HPS1: variants seen among roughly 807,000 people sequenced by gnomAD.
The protein encoded by HPS1 is HPS1 biogenesis of lysosomal organelles complex 3 subunit 1, also known as BLOC-3 complex member HPS1.
Under a neutral mutation model 90.6 loss-of-function variants are expected in HPS1, and 59 were observed. The observed-to-expected ratio is 0.65, with a 90% CI of 0.53 to 0.81. HPS1 has a LOEUF of 0.81. Ranked by LOEUF, HPS1 falls within the 30% of genes least tolerant of loss-of-function variation. HPS1 has a pLI of 0.00. For synonymous variants in HPS1, 388 were observed against 384.4 expected (o/e 1.01, Z -0.11); for missense variants, 849 against 896.7 (o/e 0.95, Z 0.68).
Position 98,429,812 on chromosome 10 carries a change from AG to A in HPS1, c.845del (p.Thr282MetfsTer49). On this transcript the variant is annotated frameshift_variant, in exon 9 of 20. Coordinates refer to ENST00000361490, the MANE Select transcript of HPS1 (RefSeq NM_000195.5). LOFTEE classifies it high-confidence loss of function. ...ACACCGTCTCTGCAGAGCTCCCCCCAGTTGGGCCCGTGGAGTGAGGGCTCCA... is the reference window on the plus strand; with the variant it reads ...ACACCGTCTCTGCAGAGCTCCCCCCATTGGGCCCGTGGAGTGAGGGCTCCA... The part of the protein sequence containing the change: ...QAWSPHSTGP[T>X]GGSSAETETD... 4 of 1,613,706 alleles carry A rather than the reference AG, an allele frequency of 2.5e-6. No homozygotes were observed. Among genetic ancestry groups the A allele is most frequent in the Non-Finnish European group, 3.4e-6 (4 of 1,179,980 alleles).
chr10:98,418,434 T>C (rs1844405434), intron 18 of HPS1, among the ~76,000 whole-genome samples, 177 bp from the exon 19 acceptor site: 1 of 152,200 alleles, frequency 6.6e-6, no homozygotes, highest in Admixed American at 6.5e-5. Flanking sequence ...TTATGAACAT[T>C]AGAGAAAAAG....
intron 3 of HPS1, among the ~76,000 whole-genome samples, chr10:98,440,209 A>G (rs1409195252): frequency 6.6e-6 from 1 of 152,244 alleles, no homozygotes; most frequent in Non-Finnish European, 1.5e-5. Flanking sequence ...GCATACTCAT[A>G]TATTACTTGG....
chr10:98,432,134 C>A (rs1181408200), intron 6 of HPS1, among the ~76,000 whole-genome samples: 1 of 152,182 alleles, frequency 6.6e-6, no homozygotes, highest in Non-Finnish European at 1.5e-5. Context: ...ACAAGAGAGG[C>A]ATAAGATGAA....
intron 18 of HPS1, among the ~76,000 whole-genome samples, chr10:98,419,075 C>T (rs1000244712): frequency 6.6e-6 from 1 of 152,180 alleles, no homozygotes; most frequent in African/African-American, 2.4e-5. Context: ...TGTCTCCATC[C>T]GTACAACGGG....
chr10:98,425,551 T>G lies in HPS1; in HGVS notation c.1325A>C (p.Gln442Pro). Residue 442 changes from glutamine (Q) to proline (P), a missense_variant, in exon 13 of 20, where the codon CAG becomes CCG. Coordinates refer to ENST00000361490, the MANE Select transcript of HPS1 (RefSeq NM_000195.5). ...MDKFVKNRGA[Q>P]EIQSTWLEFK... ...GAACTTGGGTCTCACCTGAATCTCC[T>G]GTGCCCCTCGATTCTTGACAAACTT... 1.1e-5 allele frequency: 17 copies of G among 1,611,032 alleles called. No individual in the cohort carries two copies. Among genetic ancestry groups the G allele is most frequent in the Non-Finnish European group, 1.4e-5 (17 of 1,178,800 alleles).
Position 98,417,911 on chromosome 10 carries a change from G to A in HPS1, c.1941-185C>T, listed in dbSNP as rs998146675. The stretch of plus-strand genomic sequence containing the variant: ...CTAACAGTGGCATCCTGGCTACGAG[G>A]TAGCAGTGGGGATGTTCTGGGCCGG... On this transcript the variant is annotated intron_variant, in intron 19 of 19. Transcript: ENST00000361490. This position sits in a 1 kb window ranked among gnomAD's most constrained non-coding sequence, Gnocchi z 4.2. Among the ~76,000 whole-genome samples the A allele has an allele frequency of 1.3e-5, 2 of 152,196 alleles. No homozygotes were observed. The highest frequency in any genetic ancestry group is 2.9e-5 in the Non-Finnish European group (2 of 68,024).
At chr10:98,437,988 C>T (rs1332992466) in intron 3 of HPS1, among the ~76,000 whole-genome samples, 1 of 152,172 alleles carries the variant, frequency 6.6e-6, no homozygotes, top group African/African-American at 2.4e-5. Context: ...ATAAGGGGCT[C>T]TTCCCCACTT....
chr10:98,442,664 C>G (rs1052764122), intron 3 of HPS1: 2 of 252,966 alleles, frequency 7.9e-6, no homozygotes, highest in African/African-American at 4.5e-5. Context: ...CACCACCACA[C>G]CTGGCTAATT....
chr10:98,424,452 A>C, intron 13 of HPS1, 78 bp from the exon 14 acceptor site: 2 of 1,236,852 alleles, frequency 1.6e-6, no homozygotes, highest in Non-Finnish European at 2.3e-6. Flanking sequence ...TTCTCAGATC[A>C]GGCTCTGAGA....
chr10:98,435,639 T>G lies in HPS1; in HGVS notation c.251A>C (p.His84Pro), dbSNP rs762732517. 6.2e-7 allele frequency: 1 copy of G among 1,614,062 alleles called. No homozygotes were observed. The highest frequency in any genetic ancestry group is 1.1e-5 in the South Asian group (1 of 91,046). Reference sequence around the variant, plus strand: ...GCCCCAGAGCTATAGACTCACCAGGTGAAGGACATACAGGAAGTTGCCATT... The same window carrying G: ...GCCCCAGAGCTATAGACTCACCAGGGGAAGGACATACAGGAAGTTGCCATT... ...TENGNFLYVL[H>P]LFGECLFIAI... Residue 84 changes from histidine to proline, a missense_variant, in exon 4 of 20, where the codon CAC becomes CCC. His to Pro is a moderately conservative substitution (Grantham distance 77). Coordinates refer to ENST00000361490, the MANE Select transcript of HPS1 (RefSeq NM_000195.5). This position sits in a 1 kb window ranked among gnomAD's most constrained non-coding sequence, Gnocchi z 4.3.
chr10:98,431,204 G>C lies in HPS1; in HGVS notation c.595C>G (p.Pro199Ala). Residue 199 changes from proline to alanine, a missense_variant, in exon 7 of 20, where the codon CCC (proline) becomes GCC (alanine). Pro to Ala is a conservative substitution (Grantham distance 27). Coordinates refer to ENST00000361490, the MANE Select transcript of HPS1 (RefSeq NM_000195.5). The part of the protein sequence containing the change: ...RHVIQAVNTS[P>A]ERGGEEALHA... ...AGGGCCTCCTCGCCTCCCCGCTCGGGGCTGGTGTTGACAGCCTGGATGACG... is the reference window on the plus strand; with the variant it reads ...AGGGCCTCCTCGCCTCCCCGCTCGGCGCTGGTGTTGACAGCCTGGATGACG... The C allele has an allele frequency of 6.2e-7, 1 of 1,614,124 alleles. No individual in the cohort carries two copies. Among genetic ancestry groups the C allele is most frequent in the Middle Eastern group, 1.6e-4 (1 of 6,062 alleles).
rs148540623 is a variant in HPS1, at chr10:98,426,996, GA to G, written c.987+218del. Among the ~76,000 whole-genome samples the G allele has an allele frequency of 0.018, 2,718 of 152,272 alleles. 78 individuals are homozygous for G. The highest frequency in any genetic ancestry group is 0.06 in the African/African-American group (2,498 of 41,546). ...CTGAGGGACAGCACCTGGGGGAGGG[GA>G]GGGGCAAGTTCGCCACCCCTCACAG... On this transcript the variant is annotated intron_variant, in intron 11 of 19. Transcript: ENST00000361490.
intron 8 of HPS1, 56 bp from the exon 9 acceptor site, chr10:98,429,945 C>T: frequency 1.3e-6 from 2 of 1,489,122 alleles, no homozygotes; most frequent in Non-Finnish European, 1.9e-6. Context: ...CTCCCTCCAC[C>T]CCTTCTGCCT....
chr10:98,431,076 G>A lies in HPS1; in HGVS notation c.668+55C>T, dbSNP rs936589271. 2.5e-6 allele frequency: 4 copies of A among 1,578,214 alleles called. No individual in the cohort carries two copies. In the African/African-American group the frequency reaches 5.4e-5, roughly 21 times the overall value. On this transcript the variant is annotated intron_variant, in intron 7 of 19. Coordinates refer to ENST00000361490, the MANE Select transcript of HPS1 (RefSeq NM_000195.5). ...GGTGCTTTTCAGGCAGAGGCCATAG[G>A]GGAGTGAGAAGGCCAGGGAGCCTTT...
At chr10:98,423,964 C>T in intron 14 of HPS1, 77 bp from the exon 15 acceptor site, 1 of 1,575,552 alleles carries the variant, frequency 6.3e-7, no homozygotes, top group Non-Finnish European at 8.6e-7. Context: ...CACCTTGTTC[C>T]TGCACCCAGG....
intron 19 of HPS1, 153 bp downstream of exon 19, chr10:98,418,022 G>A (rs911152826): frequency 1.8e-5 from 12 of 665,460 alleles, no homozygotes; most frequent in Admixed American, 4.8e-5. Context: ...GTCCTCCCTC[G>A]CTGCACACAG....
Position 98,435,178 on chromosome 10 carries a change from G to T in HPS1, c.398+94C>A. 2 of 1,532,306 alleles carry T rather than the reference G, an allele frequency of 1.3e-6. No individual in the cohort carries two copies. Among genetic ancestry groups the T allele is most frequent in the South Asian group, 1.1e-5 (1 of 88,686 alleles). The allele number at this position is 1,532,306 out of a possible 1,614,324, so 94.9% of individuals were successfully genotyped here. ...AGGGACCCAGCTGGGGGCAGTATGT[G>T]AAAAATGGCAGCTTCACAGGGGCTG... On this transcript the variant is annotated intron_variant, in intron 5 of 19. Coordinates refer to ENST00000361490, the MANE Select transcript of HPS1 (RefSeq NM_000195.5). The surrounding 1 kb of genome is among the most constrained non-coding windows in gnomAD (Gnocchi z 4.3).
intron 10 of HPS1, 30 bp from the exon 11 acceptor site, chr10:98,427,294 G>T (rs937904867): frequency 5.2e-6 from 8 of 1,538,038 alleles, no homozygotes; most frequent in Non-Finnish European, 7.0e-6. Flanking sequence ...ACATAACGAT[G>T]TAAGTACCAT....
chr10:98,427,977 T>G (rs1460728868), intron 10 of HPS1, among the ~76,000 whole-genome samples: 1 of 152,166 alleles, frequency 6.6e-6, no homozygotes, highest in East Asian at 1.9e-4. Flanking sequence ...AACAGCATTA[T>G]TTTTTACAGT....
Sources: gnomAD v4.1 joint callset for allele counts (sites outside exome capture counted in the v4.1 genomes callset) on GRCh38, gnomAD v4.1.1 for gene constraint, Gnocchi (gnomAD v3.1) non-coding constraint, MANE v1.5 for transcripts, NCBI Gene and HGNC (gene_info 2026-07-23, HGNC 2026-07-21) for gene names.